The following ELF5 variants were observed in gnomAD, a reference collection of about 807,000 sequenced individuals.
The protein encoded by ELF5 is E74 like ETS transcription factor 5, also known as ETS-related transcription factor Elf-5.
Under a neutral mutation model 38.2 loss-of-function variants are expected in ELF5, and 31 were observed. That is an observed-to-expected ratio of 0.81 (90% confidence interval 0.61 to 1.10). ELF5 has a LOEUF of 1.10. Among genes scored for constraint, ELF5 ranks in the 50% least tolerant of loss-of-function variants. ELF5 has a pLI of 0.00. For synonymous variants in ELF5, 121 were observed against 112.5 expected, an observed-to-expected ratio of 1.08 and a Z score of -0.48; for missense variants, 300 against 306.6, an observed-to-expected ratio of 0.98 and a Z score of 0.16.
intron 4 of ELF5, among the ~76,000 whole-genome samples, chr11:34,483,646 T>C (rs769570885): frequency 2.6e-5 from 4 of 152,048 alleles, no homozygotes; most frequent in African/African-American, 4.8e-5. Context: ...GTACATACTA[T>C]GCTGTACTAA....
intron 2 of ELF5, among the ~76,000 whole-genome samples, chr11:34,495,416 C>G (rs972839037): frequency 6.6e-6 from 1 of 152,198 alleles, no homozygotes; most frequent in African/African-American, 2.4e-5. Context: ...GGTGCTACTA[C>G]TCACTCAGCA....
intron 2 of ELF5, among the ~76,000 whole-genome samples, chr11:34,500,299 G>A (rs1431673118): frequency 2.0e-5 from 3 of 152,164 alleles, no homozygotes; most frequent in African/African-American, 7.2e-5. Context: ...TGAATGAACT[G>A]GATAGCAGGG....
chr11:34,480,243 T>A lies in ELF5; in HGVS notation c.743A>T (p.His248Leu). The A allele has an allele frequency of 6.2e-7, 1 of 1,614,100 alleles. No homozygotes were observed. Among genetic ancestry groups the A allele is most frequent in the Non-Finnish European group, 8.5e-7 (1 of 1,179,998 alleles). The change falls in exon 7 of 7, where the codon CAC (histidine) becomes CTC (leucine). Residue 248 changes from histidine (H) to leucine (L), a missense_variant. His to Leu is a moderately conservative substitution (Grantham distance 99). Transcript: ENST00000257832. The part of the protein sequence containing the change: ...RLVYKFGKNA[H>L]GWQEDKL ...TCATAGCTTGTCTTCCTGCCACCCGTGTGCATTTTTTCCAAATTTGTACAC... is the reference window on the plus strand; with the variant it reads ...TCATAGCTTGTCTTCCTGCCACCCGAGTGCATTTTTTCCAAATTTGTACAC...
rs78754125 is a variant in ELF5 at position 34,506,838 on chromosome 11, A to G, written c.-4-1085T>C. 3.0e-4 allele frequency among the ~76,000 whole-genome samples: 45 copies of G among 152,336 alleles called. No homozygotes were observed. The East Asian group carries it at 7.5e-3, about 25-fold the overall frequency. ...CGAAAAAAATAAATAAATAAAAATG[A>G]GGTAAGAATTACTGTGTGTGATTAA... On this transcript the variant is annotated intron_variant, in intron 1 of 6. Coordinates refer to ENST00000257832, the MANE Select transcript of ELF5 (RefSeq NM_001422.4).
chr11:34,493,814 C>A, intron 2 of ELF5, 102 bp from the exon 3 acceptor site: 1 of 1,034,814 alleles, frequency 9.7e-7, no homozygotes, highest in Non-Finnish European at 1.4e-6. Context: ...ATTCCTCAGC[C>A]AATAAGTTGA....
intron 1 of ELF5, chr11:34,511,846 T>G (rs1430129372): frequency 1.0e-5 from 5 of 484,152 alleles, no homozygotes; most frequent in African/African-American, 3.9e-5. Context: ...ACTCTGGTGG[T>G]GATCATCAAC....
intron 2 of ELF5, among the ~76,000 whole-genome samples, chr11:34,503,777 T>C (rs986579885): frequency 6.6e-6 from 1 of 152,240 alleles, no homozygotes; most frequent in Non-Finnish European, 1.5e-5. Flanking sequence ...TAAACAGTTA[T>C]GTGTGCTTAC....
At chr11:34,508,722 ACT>A (rs1025053599) in intron 1 of ELF5, among the ~76,000 whole-genome samples, 3 of 152,200 alleles carry the variant, frequency 2.0e-5, no homozygotes, top group African/African-American at 7.2e-5. Flanking sequence ...GTTGGAAGAT[ACT>A]GAGTTAGTCC....
At chr11:34,488,216 G>A (rs1051353124) in intron 4 of ELF5, among the ~76,000 whole-genome samples, 1 of 152,100 alleles carries the variant, frequency 6.6e-6, no homozygotes, top group Non-Finnish European at 1.5e-5. Flanking sequence ...GCCTCAATGA[G>A]AGCAAGACTC....
intron 3 of ELF5, 30 bp downstream of exon 3, chr11:34,493,449 C>A: frequency 6.3e-7 from 1 of 1,599,970 alleles, no homozygotes; most frequent in Non-Finnish European, 8.5e-7. Context: ...CTGGTCCCTC[C>A]CCTGGAGGTC....
chr11:34,490,171 G>C (rs2231824), intron 3 of ELF5, 112 bp from the exon 4 acceptor site: 3 of 1,216,602 alleles, frequency 2.5e-6, no homozygotes, highest in Admixed American at 1.7e-5. Context: ...TCTTGAGGTT[G>C]GTTACAATTT....
intron 3 of ELF5, among the ~76,000 whole-genome samples, chr11:34,490,522 G>A (rs1459772034): frequency 1.3e-5 from 2 of 152,206 alleles, no homozygotes; most frequent in African/African-American, 4.8e-5. Context: ...TAATCCCTTG[G>A]GGATTGGAAT....
In ELF5 at chr11:34,505,698, C is replaced by A. The variant is rs199968646; in HGVS notation, c.52G>T (p.Asp18Tyr). Reference sequence around the variant, plus strand: ...AGATCAGTCCACGACATCAGGGGATCGCAGAAGGATGCATTAGGCAGGAAG... The same window carrying A: ...AGATCAGTCCACGACATCAGGGGATAGCAGAAGGATGCATTAGGCAGGAAG... ...STFLPNASFC[D>Y]PLMSWTDLFS... Residue 18 changes from aspartate (D) to tyrosine (Y), a missense_variant, in exon 2 of 7, where the codon GAT becomes TAT. By Grantham distance (160) the Asp-to-Tyr change is radical (BLOSUM62 -3). Coordinates refer to ENST00000257832, the MANE Select transcript of ELF5 (RefSeq NM_001422.4). The A allele has an allele frequency of 1.2e-6, 2 of 1,614,052 alleles. No homozygotes were observed. The highest frequency in any genetic ancestry group is 8.5e-7 in the Non-Finnish European group (1 of 1,179,984).
At chr11:34,507,776 C>T (rs998733067) in intron 1 of ELF5, among the ~76,000 whole-genome samples, 1 of 152,112 alleles carries the variant, frequency 6.6e-6, no homozygotes. Context: ...TAGTTCTTTC[C>T]TCGTTTTGCA....
intron 2 of ELF5, among the ~76,000 whole-genome samples, chr11:34,504,046 C>T (rs1850544056): frequency 6.6e-6 from 1 of 152,138 alleles, no homozygotes; most frequent in South Asian, 2.1e-4. Flanking sequence ...CCTCCCACTG[C>T]CACCCCAACT....
At chr11:34,508,160 A>G (rs760321547) in intron 1 of ELF5, among the ~76,000 whole-genome samples, 6 of 152,224 alleles carry the variant, frequency 3.9e-5, no homozygotes, top group Non-Finnish European at 8.8e-5. Flanking sequence ...ACTACATCCT[A>G]TAGGCAAAAT....
intron 1 of ELF5, among the ~76,000 whole-genome samples, chr11:34,507,925 G>T (rs112627710): frequency 6.6e-6 from 1 of 152,174 alleles, no homozygotes; most frequent in Non-Finnish European, 1.5e-5. Context: ...CTACGACTGT[G>T]ATAATTTCAC....
In ELF5 at chr11:34,498,963, C is replaced by T. The variant is rs147269827; in HGVS notation, c.122-5251G>A. On this transcript the variant is annotated intron_variant, in intron 2 of 6. Coordinates refer to ENST00000257832, the MANE Select transcript of ELF5 (RefSeq NM_001422.4). Reference sequence around the variant, plus strand: ...AAAAATTAGCGGGCGTGGTGGTGCACGCCTGTAATCCCAGCTACTTGAGAG... The same window carrying T: ...AAAAATTAGCGGGCGTGGTGGTGCATGCCTGTAATCCCAGCTACTTGAGAG... Among the ~76,000 whole-genome samples, 1,127 of 152,040 alleles carry T rather than the reference C, an allele frequency of 7.4e-3. 13 individuals carry two copies. The highest frequency in any genetic ancestry group is 0.024 in the African/African-American group (1,005 of 41,482).
At chr11:34,497,527 A>G (rs1458881220) in intron 2 of ELF5, among the ~76,000 whole-genome samples, 1 of 152,234 alleles carries the variant, frequency 6.6e-6, no homozygotes, top group East Asian at 1.9e-4. Flanking sequence ...TCTGAGATGC[A>G]TTTAAATTCA....
Sources: gnomAD v4.1 joint callset for allele counts (sites outside exome capture counted in the v4.1 genomes callset) on GRCh38, gnomAD v4.1.1 for gene constraint, MANE v1.5 for transcripts, NCBI Gene and HGNC (gene_info 2026-07-23, HGNC 2026-07-21) for gene names.